The following STK3 variants were observed in gnomAD, a reference collection of about 807,000 sequenced individuals.
STK3 encodes the protein serine/threonine-protein kinase 3.
Under a neutral mutation model 58.0 loss-of-function variants are expected in STK3, and 41 were observed. The observed-to-expected ratio is 0.71, with a 90% confidence interval of 0.55 to 0.92. STK3 has a LOEUF of 0.92. STK3 is among the 40% of genes least tolerant of loss of function. The pLI, the probability that STK3 is intolerant of heterozygous loss-of-function variation, is 0.00. For missense variants in STK3, 479 were observed against 602.7 expected, an observed-to-expected ratio of 0.79 and a Z score of 2.15; for synonymous variants, 170 against 191.0, an observed-to-expected ratio of 0.89 and a Z score of 0.91.
chr8:98,529,398 C>T (rs56976505), intron 9 of STK3, among the ~76,000 whole-genome samples: 3 of 152,130 alleles, frequency 2.0e-5, no homozygotes, highest in Admixed American at 1.3e-4. Context: ...CTAGGTGAGG[C>T]GGCTTAGGTG....
chr8:98,807,127 CTGG>C (rs1455853192), intron 1 of STK3, among the ~76,000 whole-genome samples: 3 of 141,746 alleles, frequency 2.1e-5, no homozygotes, highest in Non-Finnish European at 3.0e-5. Context: ...GCACTCCAGC[CTGG>C]GCGACAAGCG....
intron 4 of STK3, among the ~76,000 whole-genome samples, chr8:98,720,554 T>C (rs1302031832): frequency 6.6e-6 from 1 of 151,878 alleles, no homozygotes; most frequent in Non-Finnish European, 1.5e-5. Context: ...ATCGAGACCA[T>C]CCTGGCTAAC....
intron 1 of STK3, among the ~76,000 whole-genome samples, chr8:98,820,261 T>C (rs1018771524): frequency 6.6e-6 from 1 of 152,158 alleles, no homozygotes. Flanking sequence ...TAATAAAAAA[T>C]TGCCACAGAA....
At position 98,430,076 on chromosome 8, in the gene STK3, T is replaced by C. The variant is rs557678892; in HGVS notation, n.483+4051A>G. On this transcript the variant is annotated intron_variant and non_coding_transcript_variant, in intron 3 of 3. Coordinates refer to the STK3 transcript ENST00000517832. ...TGTACACTGATGTTCATCTCATAAA[T>C]GTCACTCTTTAGAGAATGTTACTTA... 34 of 167,258 alleles carry C rather than the reference T, an allele frequency of 2.0e-4. 1 individual carries two copies. The South Asian group carries it at 4.4e-3, about 21-fold the overall frequency. 10.4% of individuals were successfully genotyped at this position (167,258 alleles called of 1,614,324 possible).
At chr8:98,748,495 A>G (rs1433336830) in intron 4 of STK3, among the ~76,000 whole-genome samples, 4 of 152,146 alleles carry the variant, frequency 2.6e-5, no homozygotes, top group African/African-American at 4.8e-5. Context: ...ATTCTGGTTA[A>G]CTACAAATTG....
chr8:98,478,324 G>A lies in STK3; in HGVS notation c.1318-22324C>T, dbSNP rs149166084. On this transcript the variant is annotated intron_variant, in intron 10 of 10. Transcript: ENST00000419617. ...GCCATCAGGAAGCAGACTGAGATTTGGGGGTGGGGTGGAAGAAGGGGAGTT... is the reference window on the plus strand; with the variant it reads ...GCCATCAGGAAGCAGACTGAGATTTAGGGGTGGGGTGGAAGAAGGGGAGTT... Among the ~76,000 whole-genome samples the A allele has an allele frequency of 2.7e-3, 411 of 152,284 alleles. 5 individuals carry two copies. Among genetic ancestry groups the A allele is most frequent in the South Asian group, 0.016 (78 of 4,820 alleles).
At position 98,503,519 on chromosome 8, in the gene STK3, G is replaced by A. The variant is rs566484766; in HGVS notation, c.1317+23223C>T. Among the ~76,000 whole-genome samples the A allele has an allele frequency of 3.3e-4, 50 of 152,276 alleles. No individual in the cohort carries two copies. In the East Asian group the frequency reaches 9.6e-3, roughly 29 times the overall value. On this transcript the variant is annotated intron_variant, in intron 10 of 10. Coordinates refer to ENST00000419617, the MANE Select transcript of STK3 (RefSeq NM_006281.4). ...AGGGTGTTGATTTTAGATCGTTCCT[G>A]CTTTCTCTTGTGGGCATTTAGTGCT... is the stretch of plus-strand genomic sequence containing the variant.
At chr8:98,527,464 C>G (rs1434132362) in intron 9 of STK3, among the ~76,000 whole-genome samples, 1 of 151,714 alleles carries the variant, frequency 6.6e-6, no homozygotes, top group South Asian at 2.1e-4. Flanking sequence ...ATAAAAAATA[C>G]AAAAAATTAG....
At chr8:98,720,251 T>A (rs2131178751) in intron 4 of STK3, among the ~76,000 whole-genome samples, 1 of 152,342 alleles carries the variant, frequency 6.6e-6, no homozygotes, top group Middle Eastern at 3.4e-3. Flanking sequence ...GTATTTTATG[T>A]GATTTCTCTA....
At chr8:98,786,997 C>T (rs1363003343) in intron 1 of STK3, among the ~76,000 whole-genome samples, 2 of 151,360 alleles carry the variant, frequency 1.3e-5, no homozygotes, top group African/African-American at 2.4e-5. Flanking sequence ...GGTGAAACCC[C>T]GTCTCTACTA....
At chr8:98,633,727 T>C (rs1819427941) in intron 6 of STK3, 2 of 654,994 alleles carry the variant, frequency 3.1e-6, no homozygotes, top group East Asian at 2.9e-5. Flanking sequence ...GGAGGATCTG[T>C]TGATACTGAT....
upstream of STK3, among the ~76,000 whole-genome samples, chr8:98,388,744 C>T (rs1009624004): frequency 3.9e-5 from 6 of 152,098 alleles, no homozygotes; most frequent in Non-Finnish European, 7.4e-5. Context: ...TTGAGTCAAA[C>T]GTCAAAAAAT....
At chr8:98,514,895 C>T (rs752444455) in intron 10 of STK3, among the ~76,000 whole-genome samples, 2 of 152,012 alleles carry the variant, frequency 1.3e-5, no homozygotes, top group Non-Finnish European at 2.9e-5. Flanking sequence ...CCACACACAC[C>T]CAGTCTCTAA....
At chr8:98,358,409 C>G in the STK3 span, among the ~76,000 whole-genome samples, 1 of 152,136 alleles carries the variant, frequency 6.6e-6, no homozygotes, top group African/African-American at 2.4e-5. Flanking sequence ...ACCACAGATG[C>G]CCAGTAGGCT....
intron 3 of STK3, among the ~76,000 whole-genome samples, chr8:98,867,940 C>G (rs1408803483): frequency 1.3e-5 from 2 of 152,192 alleles, no homozygotes; most frequent in Non-Finnish European, 2.9e-5. Flanking sequence ...ACAGGAAATA[C>G]TCTCTTTAGG....
chr8:98,642,593 G>A (rs925514560), intron 6 of STK3, among the ~76,000 whole-genome samples: 1 of 152,090 alleles, frequency 6.6e-6, no homozygotes. Flanking sequence ...AAATCCATAC[G>A]AACACAAAGT....
intron 1 of STK3, among the ~76,000 whole-genome samples, chr8:98,440,891 G>C (rs1411137728): frequency 6.6e-6 from 1 of 152,158 alleles, no homozygotes; most frequent in Non-Finnish European, 1.5e-5. Flanking sequence ...TAGAGAGAAG[G>C]TCACTGTGAA....
chr8:98,803,717 C>T (rs1833737677), intron 1 of STK3, among the ~76,000 whole-genome samples: 2 of 150,994 alleles, frequency 1.3e-5, no homozygotes, highest in African/African-American at 4.9e-5. Context: ...CTTTAGGAAA[C>T]TAATACTTCT....
chr8:98,647,376 A>G (rs931263716), intron 6 of STK3, among the ~76,000 whole-genome samples: 1 of 152,188 alleles, frequency 6.6e-6, no homozygotes, highest in Non-Finnish European at 1.5e-5. Context: ...CATATTCTAT[A>G]TAAATTACTT....
Sources: allele counts gnomAD v4.1 joint callset (sites outside exome capture counted in the v4.1 genomes callset), GRCh38; gene constraint gnomAD v4.1.1; transcripts MANE v1.5; gene names NCBI Gene and HGNC (gene_info 2026-07-23, HGNC 2026-07-21).